Variants in MATR3 observed in about 807,000 individuals in gnomAD.
MATR3 encodes matrin-3.
Under a neutral mutation model 85.5 loss-of-function variants are expected in MATR3, and 4 were observed. The ratio of observed to expected loss-of-function variants is 0.05; its 90% CI spans 0.02 to 0.11. The LOEUF (loss-of-function observed/expected upper bound fraction) is 0.11. Among genes scored for constraint, MATR3 ranks in the 10% least tolerant of loss-of-function variants. MATR3 has a pLI of 1.00. For synonymous variants in MATR3, 336 were observed against 343.1 expected, an observed-to-expected ratio of 0.98 and a Z score of 0.23; for missense variants, 685 against 1,016.1, an observed-to-expected ratio of 0.67 and a Z score of 4.43.
intron 3 of MATR3, among the ~76,000 whole-genome samples, chr5:139,284,288 A>G (rs923460031): frequency 2.6e-5 from 4 of 152,184 alleles, no homozygotes; most frequent in African/African-American, 9.7e-5. Context: ...ACCTATAGGA[A>G]ACTGAACGTA....
chr5:139,321,862 T>TATA (rs1755591751), intron 9 of MATR3, 36 bp from the exon 10 acceptor site: 1 of 1,605,618 alleles, frequency 6.2e-7, no homozygotes, highest in African/African-American at 1.3e-5. Flanking sequence ...TTGTAAAATA[T>TATA]AATGTGCTTT....
At chr5:139,316,559 T>C (rs572971667) in intron 5 of MATR3, among the ~76,000 whole-genome samples, 9 of 152,206 alleles carry the variant, frequency 5.9e-5, no homozygotes, top group Non-Finnish European at 1.2e-4. Flanking sequence ...ATTTTACTTA[T>C]TTATTTTAGA....
In MATR3 at chr5:139,330,508, T is replaced by C. The variant is rs1330955477; in HGVS notation, c.*1113T>C. On this transcript the variant is annotated 3_prime_UTR_variant, in exon 15 of 15. Transcript: ENST00000394805. ...TGCATGCTTTAACAATTTATTACTT[T>C]TAAATCTAGAGTGAATTCTAAAGAC... 1 of 454,184 alleles carries C rather than the reference T, an allele frequency of 2.2e-6. No homozygotes were observed. The highest frequency in any genetic ancestry group is 1.6e-5 in the South Asian group (1 of 64,482). The allele number at this position is 454,184 out of a possible 1,614,324, so 28.1% of individuals were successfully genotyped here.
rs773822739 is a variant in MATR3, at chr5:139,317,142, AT to A, written c.1182+42del. On this transcript the variant is annotated intron_variant, in intron 6 of 14. Coordinates refer to ENST00000394805, the MANE Select transcript of MATR3 (RefSeq NM_018834.6). ...AGCTTTTGGTTTTACTGTATTTATG[AT>A]TTTTGGGAATATGATTTGACCTAAA... 6.9e-6 allele frequency: 11 copies of A among 1,589,504 alleles called. No individual in the cohort carries two copies. The East Asian group carries it at 2.5e-4, about 36-fold the overall frequency.
At chr5:139,317,422 A>G (rs1755307659) in intron 6 of MATR3, among the ~76,000 whole-genome samples, 174 bp from the exon 7 acceptor site, 1 of 152,206 alleles carries the variant, frequency 6.6e-6, no homozygotes, top group Non-Finnish European at 1.5e-5. Context: ...TATGGTCAGA[A>G]AGAACTTACC....
At chr5:139,329,209 A>G (rs1181534067) in intron 14 of MATR3, 136 bp from the exon 15 acceptor site, 2 of 677,756 alleles carry the variant, frequency 3.0e-6, no homozygotes, top group East Asian at 5.6e-5. Context: ...ATGAGGATTA[A>G]CTAATTGTTG....
chr5:139,316,195 A>G lies in MATR3; in HGVS notation c.1129+7A>G, dbSNP rs1477606021. Reference sequence around the variant, plus strand: ...GGACCAAGAGGAAATCTGGGTAATTATATAAAATTCATGTTACTTTTCCCT... The same window carrying G: ...GGACCAAGAGGAAATCTGGGTAATTGTATAAAATTCATGTTACTTTTCCCT... On this transcript the variant is annotated splice_region_variant and intron_variant, in intron 5 of 14. Transcript: ENST00000394805. The G allele has an allele frequency of 3.9e-6, 6 of 1,548,672 alleles. No individual in the cohort carries two copies. Among genetic ancestry groups the G allele is most frequent in the Non-Finnish European group, 4.4e-6 (5 of 1,123,942 alleles).
chr5:139,302,172 G>T (rs1360468384), intron 1 of MATR3, among the ~76,000 whole-genome samples: 1 of 151,868 alleles, frequency 6.6e-6, no homozygotes, highest in Non-Finnish European at 1.5e-5. Context: ...CATGTTGGCC[G>T]GGCTGGTCTC....
At chr5:139,296,537 T>C (rs72790950) in intron 1 of MATR3, among the ~76,000 whole-genome samples, 1 of 152,344 alleles carries the variant, frequency 6.6e-6, no homozygotes, top group Non-Finnish European at 1.5e-5. Flanking sequence ...CTGTAACTGC[T>C]TAAAATATTA....
chr5:139,329,664 C>T lies in MATR3; in HGVS notation c.*269C>T, dbSNP rs553096974. ...TGACTTCCTAAGCTACTTAAGACAA[C>T]TTGCACCACTAAGAAAAAAATGTAG... On this transcript the variant is annotated 3_prime_UTR_variant, in exon 15 of 15. Coordinates refer to ENST00000394805, the MANE Select transcript of MATR3 (RefSeq NM_018834.6). The T allele has an allele frequency of 1.1e-4, 54 of 496,398 alleles. No individual in the cohort carries two copies. The highest frequency in any genetic ancestry group is 1.0e-3 in the African/African-American group (52 of 51,560). 30.7% of individuals were successfully genotyped at this position (496,398 alleles called of 1,614,324 possible). A position where few individuals can be genotyped will look rare whatever the true frequency, so the allele number is the denominator to read the frequency against.
intron 12 of MATR3, among the ~76,000 whole-genome samples, chr5:139,324,910 G>A (rs999419048): frequency 2.0e-5 from 3 of 151,948 alleles, no homozygotes; most frequent in East Asian, 1.9e-4. Flanking sequence ...ACAAAGACGC[G>A]GCCGGGCACG....
At chr5:139,314,601 C>T in intron 2 of MATR3, 74 bp from the exon 3 acceptor site, 1 of 1,194,054 alleles carries the variant, frequency 8.4e-7, no homozygotes, top group Non-Finnish European at 1.2e-6. Context: ...CATTAATATC[C>T]TAGAGTTTGA....
chr5:139,277,136 AT>A lies in MATR3; in HGVS notation c.-257+999del, dbSNP rs397966801. 1.5e-3 allele frequency among the ~76,000 whole-genome samples: 223 copies of A among 145,586 alleles called. 1 individual carries two copies. Among genetic ancestry groups the A allele is most frequent in the East Asian group, 0.014 (72 of 5,046 alleles). On this transcript the variant is annotated intron_variant, in intron 2 of 16. Transcript: ENST00000509990. The stretch of plus-strand genomic sequence containing the variant: ...AGGTGTGTGCCACCACAACCAGATA[AT>A]TTTTTTTTTTTTAATTTGTAGAGAC...
chr5:139,304,015 G>C (rs758638464), intron 1 of MATR3, among the ~76,000 whole-genome samples: 1 of 152,154 alleles, frequency 6.6e-6, no homozygotes, highest in African/African-American at 2.4e-5. Flanking sequence ...ACAAAAATCA[G>C]ATTCTCATGT....
chr5:139,324,930 G>T (rs1245440364), intron 12 of MATR3, among the ~76,000 whole-genome samples: 1 of 152,000 alleles, frequency 6.6e-6, no homozygotes, highest in Non-Finnish European at 1.5e-5. Context: ...GGTGGCTCAC[G>T]CCTGTAATCC....
At chr5:139,326,421 ACT>A in intron 14 of MATR3, 137 bp downstream of exon 14, 1 of 704,402 alleles carries the variant, frequency 1.4e-6, no homozygotes, top group Non-Finnish European at 2.1e-6. Context: ...CTTTTTATTT[ACT>A]TTTTTTTTTT....
chr5:139,294,148 C>T (rs1754006191), intron 1 of MATR3: 4 of 1,009,478 alleles, frequency 4.0e-6, no homozygotes, highest in Non-Finnish European at 5.1e-6. Context: ...TCGTTGTGGG[C>T]GGGGGCGGGA....
intron 1 of MATR3, among the ~76,000 whole-genome samples, chr5:139,301,935 A>C (rs1161857546): frequency 6.6e-6 from 1 of 152,204 alleles, no homozygotes; most frequent in African/African-American, 2.4e-5. Context: ...GCCACTCTGC[A>C]ACATTCTTGT....
chr5:139,330,884 G>C lies in MATR3; in HGVS notation c.*1489G>C. The C allele has an allele frequency of 2.2e-6, 1 of 453,816 alleles. No individual in the cohort carries two copies. Among genetic ancestry groups the C allele is most frequent in the South Asian group, 1.6e-5 (1 of 64,426 alleles). The allele number at this position is 453,816 out of a possible 1,614,324, so 28.1% of individuals were successfully genotyped here. The stretch of plus-strand genomic sequence containing the variant: ...ACAGTTCTCTGCAACCTCAGCCTTT[G>C]GGCTCAAATGACCCTCCTACCTCAG... On this transcript the variant is annotated 3_prime_UTR_variant, in exon 15 of 15. Coordinates refer to ENST00000394805, the MANE Select transcript of MATR3 (RefSeq NM_018834.6).
Sources: gnomAD v4.1 joint callset for allele counts (sites outside exome capture counted in the v4.1 genomes callset) on GRCh38, gnomAD v4.1.1 for gene constraint, MANE v1.5 for transcripts, NCBI Gene and HGNC (gene_info 2026-07-23, HGNC 2026-07-21) for gene names.